PARD3B: variants seen among roughly 807,000 people sequenced by gnomAD.
PARD3B encodes partitioning defective 3 homolog B.
Under a neutral mutation model 130.2 loss-of-function variants are expected in PARD3B, and 103 were observed. The ratio of observed to expected loss-of-function variants is 0.79; its 90% CI spans 0.67 to 0.93. The LOEUF (loss-of-function observed/expected upper bound fraction) is 0.93. PARD3B is among the 40% of genes least tolerant of loss of function. The probability of loss-of-function intolerance (pLI) is 0.00; values close to 1 mark genes in which losing one functional copy is unlikely to be tolerated. For synonymous variants in PARD3B, 583 were observed against 553.2 expected (o/e 1.05, Z -0.76); for missense variants, 1,609 against 1,499.2 (o/e 1.07, Z -1.21).
At chr2:204,653,837 G>T (rs2035563072) in intron 1 of PARD3B, among the ~76,000 whole-genome samples, 1 of 150,374 alleles carries the variant, frequency 6.7e-6, no homozygotes, top group African/African-American at 2.5e-5. Context: ...CATTCAAGGG[G>T]ACCTGATGTC....
At chr2:205,233,032 A>T (rs756808403) in intron 15 of PARD3B, among the ~76,000 whole-genome samples, 8 of 152,192 alleles carry the variant, frequency 5.3e-5, no homozygotes, top group Non-Finnish European at 1.2e-4. Flanking sequence ...CATGAATCTC[A>T]AATGAACCTC....
intron 1 of PARD3B, among the ~76,000 whole-genome samples, chr2:204,629,725 T>C (rs879648184): frequency 6.6e-6 from 1 of 152,192 alleles, no homozygotes; most frequent in Non-Finnish European, 1.5e-5. Context: ...CTTTATAATT[T>C]CAGTGCTATT....
intron 11 of PARD3B, among the ~76,000 whole-genome samples, chr2:205,159,273 A>G (rs2034367176): frequency 6.6e-6 from 1 of 152,244 alleles, no homozygotes; most frequent in South Asian, 2.1e-4. Flanking sequence ...AGCAAATAAG[A>G]CAGTTGTGCT....
chr2:204,869,753 A>G (rs997487550), intron 2 of PARD3B, among the ~76,000 whole-genome samples: 4 of 152,156 alleles, frequency 2.6e-5, no homozygotes, highest in African/African-American at 7.2e-5. Flanking sequence ...ACAGGAAAAA[A>G]AAATGTGGGT....
chr2:205,100,786 A>T (rs533767917), intron 4 of PARD3B, among the ~76,000 whole-genome samples: 1 of 152,300 alleles, frequency 6.6e-6, no homozygotes, highest in South Asian at 2.1e-4. Context: ...CTAGATATCC[A>T]CATGCAAAGA....
intron 2 of PARD3B, among the ~76,000 whole-genome samples, chr2:204,878,541 A>T (rs2045928631): frequency 6.6e-6 from 1 of 152,156 alleles, no homozygotes; most frequent in Non-Finnish European, 1.5e-5. Flanking sequence ...TTGTATTAAA[A>T]AAAGAGTATA....
intron 4 of PARD3B, among the ~76,000 whole-genome samples, chr2:205,052,500 T>C (rs1699291784): frequency 6.8e-6 from 1 of 147,828 alleles, no homozygotes; most frequent in Non-Finnish European, 1.5e-5. Context: ...AATTAGAAGT[T>C]CATGGATAGA....
rs189718977 is a variant in PARD3B at position 204,829,135 on chromosome 2, T to A, written c.223-136017T>A. ...GTTCTGAAACATAACTGTGAATATGTACTTATATTGAGAAGTGAGCTATAT... is the reference window on the plus strand; with the variant it reads ...GTTCTGAAACATAACTGTGAATATGAACTTATATTGAGAAGTGAGCTATAT... On this transcript the variant is annotated intron_variant, in intron 2 of 22. Coordinates refer to ENST00000406610, the MANE Select transcript of PARD3B (RefSeq NM_001302769.2). Among the ~76,000 whole-genome samples, 807 of 152,354 alleles carry A rather than the reference T, an allele frequency of 5.3e-3. 1 individual carries two copies. The highest frequency in any genetic ancestry group is 8.1e-3 in the Non-Finnish European group (552 of 68,032).
intron 10 of PARD3B, among the ~76,000 whole-genome samples, chr2:205,148,379 A>G (rs955445661): frequency 1.3e-5 from 2 of 152,150 alleles, no homozygotes; most frequent in Non-Finnish European, 2.9e-5. Flanking sequence ...GAAAAGTACA[A>G]TTGAAAATAA....
At chr2:204,670,383 G>A (rs150378739) in intron 1 of PARD3B, among the ~76,000 whole-genome samples, 175 of 152,148 alleles carry the variant, frequency 1.2e-3, no homozygotes, top group African/African-American at 3.8e-3. Flanking sequence ...AGTGCTAAAA[G>A]GCCCATGACA....
rs2046820026 is a variant in PARD3B at position 205,417,461 on chromosome 2, G to A, written c.2741+16338G>A. ...TATATGCCCAGTAATGGGATGGCTG[G>A]GTCAAATGGTATTTCTAGTTCTAGA... On this transcript the variant is annotated intron_variant, in intron 19 of 22. Transcript: ENST00000406610. 1.3e-5 allele frequency among the ~76,000 whole-genome samples: 2 copies of A among 152,058 alleles called. 1 individual carries two copies. Among genetic ancestry groups the A allele is most frequent in the South Asian group, 4.1e-4 (2 of 4,824 alleles).
intron 18 of PARD3B, among the ~76,000 whole-genome samples, chr2:205,350,732 AAAGAGGTCTCTGGGTT>A (rs1363411211): frequency 6.6e-6 from 1 of 152,210 alleles, no homozygotes; most frequent in Non-Finnish European, 1.5e-5. Context: ...CAGTGAAAGA[AAAGAGGTCTCTGGGTT>A]GTCCCCCAAA....
intron 2 of PARD3B, among the ~76,000 whole-genome samples, chr2:204,885,889 C>T (rs994907462): frequency 1.3e-5 from 2 of 152,114 alleles, no homozygotes; most frequent in African/African-American, 4.8e-5. Flanking sequence ...GAATGAGCCA[C>T]ACACTCCTCC....
intron 2 of PARD3B, among the ~76,000 whole-genome samples, chr2:204,731,020 A>C (rs1440741157): frequency 6.6e-6 from 1 of 152,206 alleles, no homozygotes; most frequent in Non-Finnish European, 1.5e-5. Flanking sequence ...CAGGAGGCAG[A>C]GAAATTATTT....
At chr2:204,886,975 T>A (rs1165162186) in intron 2 of PARD3B, among the ~76,000 whole-genome samples, 1 of 152,194 alleles carries the variant, frequency 6.6e-6, no homozygotes, top group Non-Finnish European at 1.5e-5. Context: ...ATTGAGGTAT[T>A]TTTCAAAGGC....
intron 2 of PARD3B, among the ~76,000 whole-genome samples, chr2:204,888,437 T>G (rs1473725720): frequency 6.6e-6 from 1 of 151,902 alleles, no homozygotes; most frequent in African/African-American, 2.4e-5. Context: ...AAATGGGACA[T>G]AAATGTGTTA....
At chr2:205,057,867 G>T (rs147197073) in intron 4 of PARD3B, among the ~76,000 whole-genome samples, 8 of 138,268 alleles carry the variant, frequency 5.8e-5, no homozygotes, top group Non-Finnish European at 1.1e-4. Flanking sequence ...AAATTTCTTG[G>T]TATGGCTTTT....
At chr2:205,401,290 T>G (rs2046243437) in intron 19 of PARD3B, among the ~76,000 whole-genome samples, 167 bp downstream of exon 19, 1 of 152,194 alleles carries the variant, frequency 6.6e-6, no homozygotes, top group African/African-American at 2.4e-5. Context: ...CTGGAAATTT[T>G]TATTCTATTT....
At chr2:205,529,809 T>C (rs2051507560) in intron 21 of PARD3B, among the ~76,000 whole-genome samples, 1 of 152,208 alleles carries the variant, frequency 6.6e-6, no homozygotes, top group South Asian at 2.1e-4. Flanking sequence ...TTTTTTCATT[T>C]TTTAAGGTTC....
Sources: allele counts gnomAD v4.1 joint callset (sites outside exome capture counted in the v4.1 genomes callset), GRCh38; gene constraint gnomAD v4.1.1; transcripts MANE v1.5; gene names NCBI Gene and HGNC (gene_info 2026-07-23, HGNC 2026-07-21).